The following LRBA variants were observed in gnomAD, a reference collection of about 807,000 sequenced individuals.
LRBA encodes lipopolysaccharide-responsive and beige-like anchor protein.
Under a neutral mutation model 330.0 loss-of-function variants are expected in LRBA, and 176 were observed. The ratio of observed to expected loss-of-function variants is 0.53; its 90% CI spans 0.47 to 0.60. The LOEUF is 0.60. Ranked by LOEUF, LRBA falls within the 20% of genes least tolerant of loss-of-function variation. LRBA has a pLI of 0.00. For synonymous variants in LRBA, 1,230 were observed against 1,193.0 expected, an observed-to-expected ratio of 1.03 and a Z score of -0.64; for missense variants, 3,259 against 3,444.8, an observed-to-expected ratio of 0.95 and a Z score of 1.35.
intron 40 of LRBA, chr4:150,582,907 G>A: frequency 3.3e-6 from 4 of 1,203,582 alleles, no homozygotes; most frequent in Non-Finnish European, 4.6e-6. Flanking sequence ...GAGAGTGAAA[G>A]TAGGGCTTAA....
chr4:150,319,604 CATA>C (rs1447494723), intron 50 of LRBA, among the ~76,000 whole-genome samples: 1 of 152,070 alleles, frequency 6.6e-6, no homozygotes, highest in Non-Finnish European at 1.5e-5. Flanking sequence ...AATAAAAGGA[CATA>C]ATAATAGAGA....
chr4:150,611,754 T>C (rs776271612), intron 37 of LRBA, among the ~76,000 whole-genome samples: 4 of 152,198 alleles, frequency 2.6e-5, no homozygotes, highest in Non-Finnish European at 4.4e-5. Flanking sequence ...GTAAGTAGCC[T>C]GAAAGCTATT....
Position 150,590,755 on chromosome 4 carries a change from T to C in LRBA, c.6151A>G (p.Thr2051Ala). Residue 2051 changes from threonine to alanine, a missense_variant, in exon 39 of 57, where the codon ACT becomes GCT. By Grantham distance (58) the Thr-to-Ala change is moderately conservative. Coordinates refer to ENST00000651943, the MANE Select transcript of LRBA (RefSeq NM_001364905.1). The part of the protein sequence containing the change: ...NEILLEGDDD[T>A]LSSVDEKDLE... ...TCTTTCTCATCCACGGATGACAGAG[T>C]ATCATCATCGCCTTCCAGGAGGATC... 1 of 1,613,982 alleles carries C rather than the reference T, an allele frequency of 6.2e-7. No individual in the cohort carries two copies. Among genetic ancestry groups the C allele is most frequent in the African/African-American group, 1.3e-5 (1 of 74,992 alleles).
chr4:150,708,033 C>T (rs895748449), intron 36 of LRBA, among the ~76,000 whole-genome samples: 22 of 151,812 alleles, frequency 1.4e-4, no homozygotes, highest in African/African-American at 4.8e-4. Flanking sequence ...CAATAAGCAG[C>T]CTATTTCATA....
chr4:150,417,834 C>A (rs530888199), intron 46 of LRBA, among the ~76,000 whole-genome samples: 1 of 152,174 alleles, frequency 6.6e-6, no homozygotes, highest in East Asian at 1.9e-4. Context: ...GAACAAATGA[C>A]ATTTCATAGC....
intron 2 of LRBA, among the ~76,000 whole-genome samples, chr4:150,993,177 A>G (rs2149631954): frequency 6.6e-6 from 1 of 152,308 alleles, no homozygotes; most frequent in East Asian, 1.9e-4. Flanking sequence ...AACATTGGGC[A>G]GTTTGGCTAG....
chr4:150,629,728 G>C (rs1777190081), intron 37 of LRBA, among the ~76,000 whole-genome samples: 1 of 152,056 alleles, frequency 6.6e-6, no homozygotes, highest in East Asian at 1.9e-4. Context: ...CCAGCACTTT[G>C]GGAGGCCGAG....
At chr4:150,378,798 A>T (rs557261846) in intron 47 of LRBA, among the ~76,000 whole-genome samples, 1 of 152,342 alleles carries the variant, frequency 6.6e-6, no homozygotes, top group African/African-American at 2.4e-5. Context: ...AAATCGAATG[A>T]CAATAATGTT....
At chr4:150,686,238 G>GT (rs571587359) in intron 36 of LRBA, among the ~76,000 whole-genome samples, 24 of 152,168 alleles carry the variant, frequency 1.6e-4, no homozygotes, top group Non-Finnish European at 3.5e-4. Context: ...TCTGAGAGAT[G>GT]TTCACTGGTA....
Position 150,881,867 on chromosome 4 carries a change from A to G in LRBA, c.2166-9112T>C, listed in dbSNP as rs185250874. On this transcript the variant is annotated intron_variant, in intron 17 of 56. Transcript: ENST00000651943. Reference sequence around the variant, plus strand: ...TTTGGGAGGCCGAGGTGGGCGGATCACCTGAGGTCAGGAGCTCGAGACCAG... The same window carrying G: ...TTTGGGAGGCCGAGGTGGGCGGATCGCCTGAGGTCAGGAGCTCGAGACCAG... Among the ~76,000 whole-genome samples, 124 of 152,294 alleles carry G rather than the reference A, an allele frequency of 8.1e-4. 1 individual carries two copies. The highest frequency in any genetic ancestry group is 7.2e-4 in the Admixed American group (11 of 15,298).
intron 37 of LRBA, among the ~76,000 whole-genome samples, chr4:150,639,442 T>A (rs1195339613): frequency 2.0e-5 from 3 of 147,234 alleles, no homozygotes. Context: ...TAAATTAATC[T>A]ATCTAAAAAT....
chr4:150,284,290 G>A (rs1747890699), intron 54 of LRBA, among the ~76,000 whole-genome samples: 1 of 152,122 alleles, frequency 6.6e-6, no homozygotes, highest in South Asian at 2.1e-4. Context: ...AAGATAAAAT[G>A]TTAGATGCTG....
At position 150,483,120 on chromosome 4, in the gene LRBA, C is replaced by G. The variant is rs140145803; in HGVS notation, c.6551+4612G>C. ...CAAGAAGTTCTACTTTTAGCACTTA[C>G]GTTTGTCTACACTACGTTTTTTTCT... On this transcript the variant is annotated intron_variant, in intron 42 of 56. Transcript: ENST00000651943. Among the ~76,000 whole-genome samples the G allele has an allele frequency of 7.1e-3, 1,087 of 152,086 alleles. 6 individuals are homozygous for G. The highest frequency in any genetic ancestry group is 0.024 in the African/African-American group (1,016 of 41,518).
chr4:150,420,340 A>C (rs1441074693), intron 46 of LRBA, among the ~76,000 whole-genome samples: 2 of 145,726 alleles, frequency 1.4e-5, no homozygotes, highest in Non-Finnish European at 3.0e-5. Context: ...AGTATAAAGT[A>C]TATATAATAC....
At chr4:150,317,004 G>A (rs575739906) in intron 50 of LRBA, among the ~76,000 whole-genome samples, 24 of 152,180 alleles carry the variant, frequency 1.6e-4, no homozygotes, top group Admixed American at 1.6e-3. Context: ...TCATGGCCCT[G>A]GTGGGTGTGT....
chr4:150,583,498 G>A lies in LRBA; in HGVS notation c.6330+4550C>T, dbSNP rs749605702. ...GGTCAAGATGATCGCGGACACCAGC[G>A]AGGTCAAGTTGCGCATCAGGGAGCG... On this transcript the variant is annotated intron_variant, in intron 40 of 56. Coordinates refer to ENST00000651943, the MANE Select transcript of LRBA (RefSeq NM_001364905.1). The surrounding 1 kb of genome is among the most constrained non-coding windows in gnomAD (Gnocchi z 9.8). 1 of 1,613,962 alleles carries A rather than the reference G, an allele frequency of 6.2e-7. No homozygotes were observed. The highest frequency in any genetic ancestry group is 8.5e-7 in the Non-Finnish European group (1 of 1,180,040).
chr4:150,410,965 T>G (rs1029310597), intron 47 of LRBA, among the ~76,000 whole-genome samples: 1 of 152,172 alleles, frequency 6.6e-6, no homozygotes, highest in African/African-American at 2.4e-5. Flanking sequence ...CATTCCGAAC[T>G]CATAAATTTT....
At chr4:150,445,004 C>T (rs1329390147) in intron 44 of LRBA, among the ~76,000 whole-genome samples, 4 of 152,026 alleles carry the variant, frequency 2.6e-5, no homozygotes, top group African/African-American at 7.2e-5. Flanking sequence ...ATGCCTATAA[C>T]GACCCCATAG....
chr4:150,782,800 C>T (rs1457846028), intron 34 of LRBA, among the ~76,000 whole-genome samples: 1 of 152,008 alleles, frequency 6.6e-6, no homozygotes, highest in Non-Finnish European at 1.5e-5. Context: ...GCTGAAGAAA[C>T]CAAATGAGAA....
Sources: allele counts gnomAD v4.1 joint callset (sites outside exome capture counted in the v4.1 genomes callset), GRCh38; gene constraint gnomAD v4.1.1; non-coding constraint Gnocchi (gnomAD v3.1); transcripts MANE v1.5; gene names NCBI Gene and HGNC (gene_info 2026-07-23, HGNC 2026-07-21).